The following LMCD1 variants were observed in gnomAD, a reference collection of about 807,000 sequenced individuals.
The protein encoded by LMCD1 is LIM and cysteine-rich domains protein 1.
In LMCD1, 32 loss-of-function variants were observed where a neutral mutation model predicts 42.7. The observed-to-expected ratio is 0.75, with a 90% CI of 0.57 to 1.01. The LOEUF (loss-of-function observed/expected upper bound fraction) is 1.01, where lower values mean the gene tolerates loss of function less well. LMCD1 is among the 50% of genes least tolerant of loss of function. The pLI, the probability that LMCD1 is intolerant of heterozygous loss-of-function variation, is 0.00. For missense variants in LMCD1, 458 were observed against 483.1 expected (o/e 0.95, Z 0.49); for synonymous variants, 178 against 184.9 (o/e 0.96, Z 0.30).
At chr3:8,547,218 C>G (rs1474171252) in intron 3 of LMCD1, among the ~76,000 whole-genome samples, 3 of 152,226 alleles carry the variant, frequency 2.0e-5, no homozygotes, top group Non-Finnish European at 2.9e-5. Context: ...AAACAAGTGT[C>G]TCTTTCTCAC....
At chr3:8,566,965 GC>G (rs530172955) in intron 5 of LMCD1, among the ~76,000 whole-genome samples, 1 of 152,290 alleles carries the variant, frequency 6.6e-6, no homozygotes, top group South Asian at 2.1e-4. Context: ...ATACTAGAAG[GC>G]CCATTAAACA....
chr3:8,519,201 G>T (rs990782137), intron 1 of LMCD1, among the ~76,000 whole-genome samples: 2 of 152,264 alleles, frequency 1.3e-5, no homozygotes, highest in East Asian at 3.9e-4. Flanking sequence ...TACCATCATG[G>T]TAGATACTAC....
chr3:8,554,981 C>T lies in LMCD1; in HGVS notation c.723+6078C>T, dbSNP rs112936002. Among the ~76,000 whole-genome samples the T allele has an allele frequency of 6.5e-3, 987 of 152,264 alleles. 5 individuals are homozygous for T. The highest frequency in any genetic ancestry group is 0.02 in the Middle Eastern group (6 of 294). On this transcript the variant is annotated intron_variant, in intron 4 of 5. Transcript: ENST00000157600. Reference sequence around the variant, plus strand: ...CTTGCCCCTTCCCCAACCACTCCTTCCTCAGGCCAAGTGACTGCCCCAAAA... The same window carrying T: ...CTTGCCCCTTCCCCAACCACTCCTTTCTCAGGCCAAGTGACTGCCCCAAAA...
intron 1 of LMCD1, among the ~76,000 whole-genome samples, chr3:8,510,389 G>C (rs1262774031): frequency 6.6e-6 from 1 of 152,202 alleles, no homozygotes; most frequent in Admixed American, 6.5e-5. Flanking sequence ...TCTTATTTTA[G>C]AGGAAGTATA....
At chr3:8,549,894 A>C in intron 4 of LMCD1, 1 of 761,322 alleles carries the variant, frequency 1.3e-6, no homozygotes. Context: ...CACTCGTGTG[A>C]TAACCCATTA....
intron 4 of LMCD1, 45 bp from the exon 5 acceptor site, chr3:8,565,387 T>C (rs574002386): frequency 6.5e-7 from 1 of 1,544,004 alleles, no homozygotes; most frequent in East Asian, 2.3e-5. Context: ...GTCACTGTGC[T>C]CTCCTGACTT....
chr3:8,516,041 T>G (rs567473078), intron 1 of LMCD1, among the ~76,000 whole-genome samples: 17 of 152,258 alleles, frequency 1.1e-4, no homozygotes, highest in Admixed American at 2.6e-4. Flanking sequence ...TGCTTTCAAG[T>G]TTTATTCTCC....
chr3:8,552,809 C>T (rs917367289), intron 4 of LMCD1, among the ~76,000 whole-genome samples: 17 of 152,096 alleles, frequency 1.1e-4, no homozygotes, highest in South Asian at 2.1e-4. Flanking sequence ...CTGCAAGCTC[C>T]GCCTCCGAGG....
chr3:8,515,594 C>T (rs1694083291), intron 1 of LMCD1, among the ~76,000 whole-genome samples: 1 of 152,140 alleles, frequency 6.6e-6, no homozygotes, highest in Non-Finnish European at 1.5e-5. Flanking sequence ...TCCGTCTTCC[C>T]CTTTGGGTGT....
intron 1 of LMCD1, among the ~76,000 whole-genome samples, chr3:8,529,270 T>C (rs1694360243): frequency 6.6e-6 from 1 of 152,222 alleles, no homozygotes; most frequent in Non-Finnish European, 1.5e-5. Flanking sequence ...TGACTATTTA[T>C]TGCATTAAAC....
chr3:8,504,899 C>G (rs904049194), intron 1 of LMCD1, among the ~76,000 whole-genome samples: 2 of 152,226 alleles, frequency 1.3e-5, no homozygotes, highest in Non-Finnish European at 2.9e-5. Context: ...TTAGTGCAGG[C>G]TTTGGCTTCA....
chr3:8,514,919 A>G (rs1314019071), intron 1 of LMCD1: 2 of 456,496 alleles, frequency 4.4e-6, no homozygotes, highest in South Asian at 3.1e-5. Flanking sequence ...CTACGTGTTT[A>G]TCTAGATGGT....
chr3:8,543,397 T>TGATAGATAGATA (rs57434919), intron 3 of LMCD1, among the ~76,000 whole-genome samples: 1,186 of 92,848 alleles, frequency 0.013, 6 homozygotes, highest in East Asian at 0.016. Flanking sequence ...GATAGATAGA[T>TGATAGATAGATA]GATAGATAGA....
intron 1 of LMCD1, among the ~76,000 whole-genome samples, chr3:8,511,147 C>G (rs1030727467): frequency 6.6e-6 from 1 of 152,184 alleles, no homozygotes; most frequent in Admixed American, 6.5e-5. Flanking sequence ...ATTGTACTCA[C>G]AACAATCATC....
At chr3:8,550,470 C>G (rs1694821263) in intron 4 of LMCD1, 5 of 985,370 alleles carry the variant, frequency 5.1e-6, no homozygotes, top group Non-Finnish European at 6.0e-6. Context: ...GACTCTTTCT[C>G]CCTTGTAGTC....
intron 4 of LMCD1, among the ~76,000 whole-genome samples, chr3:8,553,761 A>G (rs775264700): frequency 1.3e-5 from 2 of 152,236 alleles, no homozygotes; most frequent in Non-Finnish European, 2.9e-5. Context: ...TATCATGGGA[A>G]GGTCCTCCGG....
At chr3:8,563,549 A>G (rs1336979709) in intron 4 of LMCD1, among the ~76,000 whole-genome samples, 1 of 152,246 alleles carries the variant, frequency 6.6e-6, no homozygotes, top group Non-Finnish European at 1.5e-5. Context: ...TATAAATTAG[A>G]TAATTCCATA....
At chr3:8,566,893 A>G (rs1054611405) in intron 5 of LMCD1, among the ~76,000 whole-genome samples, 8 of 152,220 alleles carry the variant, frequency 5.3e-5, no homozygotes, top group African/African-American at 1.9e-4. Flanking sequence ...TAATTTGCCC[A>G]AAGTCACAAA....
rs932136710 is a variant in LMCD1, at chr3:8,571,734, C to A, written c.*4136C>A. On this transcript the variant is annotated 3_prime_UTR_variant, in exon 6 of 6. Transcript: ENST00000157600. ...GGAGGGTCTTAGAAAAGTGTTTTTC[C>A]TTAATGAAAGGAGATACTGTGCAGT... 2.0e-5 allele frequency: 3 copies of A among 152,234 alleles called. No homozygotes were observed. Among genetic ancestry groups the A allele is most frequent in the Non-Finnish European group, 4.4e-5 (3 of 68,048 alleles). The allele number at this position is 152,234 out of a possible 1,614,324, so 9.4% of individuals were successfully genotyped here.
Sources: allele counts gnomAD v4.1 joint callset (sites outside exome capture counted in the v4.1 genomes callset), GRCh38; gene constraint gnomAD v4.1.1; transcripts MANE v1.5; gene names NCBI Gene and HGNC (gene_info 2026-07-23, HGNC 2026-07-21).